The following MOB3B variants were observed in gnomAD, a reference collection of about 807,000 sequenced individuals.
MOB3B encodes MOB kinase activator-like 2B.
Under a neutral mutation model 18.7 loss-of-function variants are expected in MOB3B, and 7 were observed. The observed-to-expected ratio is 0.37, with a 90% CI of 0.21 to 0.70. The LOEUF is 0.70. Ranked by LOEUF, MOB3B falls within the 30% of genes least tolerant of loss-of-function variation. The pLI is 0.52. For missense variants in MOB3B, 253 were observed against 281.3 expected (o/e 0.90, Z 0.72); for synonymous variants, 111 against 99.9 (o/e 1.11, Z -0.66).
chr9:27,478,099 G>T (rs1819583060), intron 1 of MOB3B, among the ~76,000 whole-genome samples: 1 of 152,328 alleles, frequency 6.6e-6, no homozygotes, highest in Non-Finnish European at 1.5e-5. Flanking sequence ...TCATGCACAA[G>T]TGTGTTGCAC....
intron 2 of MOB3B, among the ~76,000 whole-genome samples, chr9:27,379,713 A>T (rs1220142664): frequency 2.0e-5 from 3 of 152,250 alleles, no homozygotes; most frequent in African/African-American, 7.2e-5. Context: ...AATAAAAACT[A>T]CACAGTCCAG....
chr9:27,464,987 A>G (rs1819357149), intron 1 of MOB3B, among the ~76,000 whole-genome samples: 1 of 152,138 alleles, frequency 6.6e-6, no homozygotes, highest in African/African-American at 2.4e-5. Flanking sequence ...CAGCCAAACC[A>G]TATCATTCTG....
chr9:27,368,396 G>GGA (rs1191712939), intron 2 of MOB3B, among the ~76,000 whole-genome samples: 5 of 140,916 alleles, frequency 3.5e-5, no homozygotes, highest in African/African-American at 7.9e-5. Flanking sequence ...ATACAGAGAG[G>GGA]GAGAGAGAGA....
chr9:27,408,773 G>T (rs1240406196), intron 2 of MOB3B, among the ~76,000 whole-genome samples: 2 of 152,088 alleles, frequency 1.3e-5, no homozygotes, highest in African/African-American at 4.8e-5. Context: ...CTTGCTCTGG[G>T]GAGCTCTGAG....
Position 27,411,175 on chromosome 9 carries a change from C to T in MOB3B, c.418+43958G>A, listed in dbSNP as rs1822060809. On this transcript the variant is annotated intron_variant, in intron 2 of 3. Coordinates refer to ENST00000262244, the MANE Select transcript of MOB3B (RefSeq NM_024761.5). ...AGATGGGGTCTTCCCTAATAAGTGG[C>T]TTCTTTCCTGGTAGCTGTACCTCTT... Among the ~76,000 whole-genome samples, 4 of 152,280 alleles carry T rather than the reference C, an allele frequency of 2.6e-5. No individual in the cohort carries two copies. In the South Asian group the frequency reaches 8.3e-4, roughly 32 times the overall value.
At chr9:27,417,536 C>T (rs908881303) in intron 2 of MOB3B, among the ~76,000 whole-genome samples, 1 of 152,132 alleles carries the variant, frequency 6.6e-6, no homozygotes, top group Non-Finnish European at 1.5e-5. Context: ...CTCCCTGTGC[C>T]CAGCTCCAGG....
At chr9:27,526,846 GA>G (rs537549115) in intron 1 of MOB3B, among the ~76,000 whole-genome samples, 226 of 152,266 alleles carry the variant, frequency 1.5e-3, no homozygotes, top group African/African-American at 5.2e-3. Flanking sequence ...TGACAGAAAA[GA>G]AAAAGAATGA....
In MOB3B at chr9:27,399,435, G is replaced by A. The variant is rs1287775231; in HGVS notation, c.419-40199C>T. Among the ~76,000 whole-genome samples, 8 of 152,328 alleles carry A rather than the reference G, an allele frequency of 5.3e-5. No homozygotes were observed. The East Asian group carries it at 1.5e-3, about 29-fold the overall frequency. Reference sequence around the variant, plus strand: ...AGACCATTATGGCTTTGGGGCCAGTGAGCATCCTGTACTCAGCTCATTCCC... The same window carrying A: ...AGACCATTATGGCTTTGGGGCCAGTAAGCATCCTGTACTCAGCTCATTCCC... On this transcript the variant is annotated intron_variant, in intron 2 of 3. Transcript: ENST00000262244.
intron 1 of MOB3B, among the ~76,000 whole-genome samples, chr9:27,473,149 C>T (rs1441176079): frequency 6.6e-6 from 1 of 152,172 alleles, no homozygotes; most frequent in African/African-American, 2.4e-5. Context: ...GTAGTATGGC[C>T]AAGGAGCCCT....
intron 1 of MOB3B, among the ~76,000 whole-genome samples, chr9:27,464,594 T>G (rs1197676017): frequency 6.6e-6 from 1 of 152,232 alleles, no homozygotes; most frequent in East Asian, 1.9e-4. Flanking sequence ...CTCTGTATTC[T>G]GATAACAGAA....
Position 27,464,077 on chromosome 9 carries a change from C to T in MOB3B, c.-198-8329G>A, listed in dbSNP as rs147823839. 8.0e-3 allele frequency among the ~76,000 whole-genome samples: 1,223 copies of T among 152,134 alleles called. 15 individuals carry two copies. Among genetic ancestry groups the T allele is most frequent in the Admixed American group, 0.039 (602 of 15,280 alleles). On this transcript the variant is annotated intron_variant, in intron 1 of 3. Transcript: ENST00000262244. ...GTGAAAGTGCTTCACAAATGGAAAA[C>T]AATTATATGGTTATTGACATAGTGA...
chr9:27,498,961 C>T (rs1819945085), intron 1 of MOB3B, among the ~76,000 whole-genome samples: 1 of 152,158 alleles, frequency 6.6e-6, no homozygotes, highest in Admixed American at 6.5e-5. Flanking sequence ...AGAAGAGGAT[C>T]TTAACACAAG....
At chr9:27,523,839 T>C (rs979562625) in intron 1 of MOB3B, among the ~76,000 whole-genome samples, 11 of 152,164 alleles carry the variant, frequency 7.2e-5, no homozygotes, top group Non-Finnish European at 1.5e-5. Flanking sequence ...ATAATCACAG[T>C]CATTTGGTCA....
At chr9:27,443,988 C>T (rs767813088) in intron 2 of MOB3B, among the ~76,000 whole-genome samples, 11 of 152,034 alleles carry the variant, frequency 7.2e-5, no homozygotes, top group Admixed American at 6.6e-5. Flanking sequence ...AGCATGTTCT[C>T]TCTGAGCCCC....
At chr9:27,401,188 T>A (rs1554647368) in intron 2 of MOB3B, among the ~76,000 whole-genome samples, 1 of 152,122 alleles carries the variant, frequency 6.6e-6, no homozygotes, top group Non-Finnish European at 1.5e-5. Flanking sequence ...CTCACTCTAC[T>A]CCCTGGAGCC....
intron 1 of MOB3B, among the ~76,000 whole-genome samples, chr9:27,474,656 A>G (rs1001059294): frequency 1.4e-4 from 22 of 152,342 alleles, no homozygotes; most frequent in African/African-American, 4.6e-4. Flanking sequence ...AAAGAAGGGC[A>G]AGAAGGGAAG....
chr9:27,374,536 G>A (rs1368792469), intron 2 of MOB3B, among the ~76,000 whole-genome samples: 2 of 152,086 alleles, frequency 1.3e-5, no homozygotes, highest in African/African-American at 4.8e-5. Flanking sequence ...TTGGAATTTG[G>A]TCTTGGTGAG....
At chr9:27,457,677 T>G (rs972172967) in intron 1 of MOB3B, among the ~76,000 whole-genome samples, 1 of 150,034 alleles carries the variant, frequency 6.7e-6, no homozygotes, top group African/African-American at 2.5e-5. Context: ...TGAAATGCCA[T>G]ATCCGCAAGG....
intron 1 of MOB3B, among the ~76,000 whole-genome samples, chr9:27,502,874 GT>G (rs1160485028): frequency 1.3e-5 from 2 of 152,234 alleles, no homozygotes; most frequent in African/African-American, 4.8e-5. Context: ...TTTAGCCTAA[GT>G]GTTAAGATCA....
Sources: gnomAD v4.1 joint callset for allele counts (sites outside exome capture counted in the v4.1 genomes callset) on GRCh38, gnomAD v4.1.1 for gene constraint, MANE v1.5 for transcripts, NCBI Gene and HGNC (gene_info 2026-07-23, HGNC 2026-07-21) for gene names.